WWOX: variants seen among roughly 807,000 people sequenced by gnomAD.
The protein encoded by WWOX is WW domain-containing oxidoreductase.
WWOX carries 69 observed loss-of-function variants against 46.2 expected under a neutral mutation model. The observed-to-expected ratio is 1.49, with a 90% CI of 1.23 to 1.82. The LOEUF (loss-of-function observed/expected upper bound fraction) is 1.82. Among genes scored for constraint, WWOX ranks in the 40% most tolerant of loss-of-function variants. The pLI, the probability that WWOX is intolerant of heterozygous loss-of-function variation, is 0.00. For synonymous variants in WWOX, 359 were observed against 202.6 expected (o/e 1.77, Z -6.56); for missense variants, 919 against 542.6 (o/e 1.69, Z -6.89).
chr16:78,922,217 A>G (rs2045395429), intron 8 of WWOX, among the ~76,000 whole-genome samples: 1 of 152,022 alleles, frequency 6.6e-6, no homozygotes, highest in African/African-American at 2.4e-5. Context: ...ACCCTAAGCA[A>G]TATTGTTGGT....
chr16:79,125,891 C>T (rs927158105), intron 8 of WWOX, among the ~76,000 whole-genome samples: 2 of 152,144 alleles, frequency 1.3e-5, no homozygotes, highest in Non-Finnish European at 2.9e-5. Flanking sequence ...TCGTCGAAGG[C>T]GTGGTTTCTT....
chr16:78,929,886 CCTT>C (rs1208412162), intron 8 of WWOX, among the ~76,000 whole-genome samples: 15 of 152,120 alleles, frequency 9.9e-5, no homozygotes, highest in African/African-American at 3.6e-4. Flanking sequence ...TCTAGCCCAT[CCTT>C]CTTTCTTAGA....
chr16:78,335,933 A>T (rs2080879339), intron 5 of WWOX, among the ~76,000 whole-genome samples: 1 of 152,090 alleles, frequency 6.6e-6, no homozygotes, highest in Admixed American at 6.5e-5. Flanking sequence ...CTCTACTAAA[A>T]ATATAAAAAT....
chr16:78,720,474 C>CTT (rs61447720), intron 8 of WWOX, among the ~76,000 whole-genome samples: 27,615 of 147,834 alleles, frequency 0.19, 2,925 homozygotes, highest in East Asian at 0.24. Flanking sequence ...TTTTTTTCTT[C>CTT]TTTTTTTTTT....
chr16:79,192,925 T>C (rs1173933244), intron 8 of WWOX, among the ~76,000 whole-genome samples: 26 of 152,172 alleles, frequency 1.7e-4, no homozygotes, highest in Admixed American at 1.7e-3. Context: ...GGTACAGTGG[T>C]TGAAGAAAAG....
chr16:78,485,737 G>C (rs906413547), intron 8 of WWOX, among the ~76,000 whole-genome samples: 15 of 152,204 alleles, frequency 9.9e-5, no homozygotes, highest in Middle Eastern at 3.2e-3. Flanking sequence ...TGAAAGAACA[G>C]ATTGCCGCGG....
intron 8 of WWOX, among the ~76,000 whole-genome samples, chr16:78,702,100 T>TTTTA (rs1491267639): frequency 4.9e-5 from 4 of 81,228 alleles, no homozygotes; most frequent in African/African-American, 1.4e-4. Context: ...ATCTATAAAG[T>TTTTA]TATATATATA....
intron 8 of WWOX, among the ~76,000 whole-genome samples, chr16:78,815,529 C>G (rs1293074644): frequency 1.3e-5 from 2 of 152,110 alleles, no homozygotes; most frequent in Admixed American, 6.5e-5. Flanking sequence ...GGACCCTGAC[C>G]AAGAATTTGA....
At chr16:78,915,128 C>T (rs1045986208) in intron 8 of WWOX, among the ~76,000 whole-genome samples, 1 of 152,140 alleles carries the variant, frequency 6.6e-6, no homozygotes, top group African/African-American at 2.4e-5. Context: ...GCTTGGACTC[C>T]TGCTGCAATT....
At chr16:78,783,210 C>T (rs1386323683) in intron 8 of WWOX, among the ~76,000 whole-genome samples, 1 of 152,312 alleles carries the variant, frequency 6.6e-6, no homozygotes, top group East Asian at 1.9e-4. Flanking sequence ...ATACATGCAC[C>T]AGACTTGACT....
In WWOX at chr16:78,386,050, C is replaced by G. The variant is rs1439693456; in HGVS notation, c.517-810C>G. On this transcript the variant is annotated intron_variant, in intron 5 of 8. Coordinates refer to ENST00000566780, the MANE Select transcript of WWOX (RefSeq NM_016373.4). ...TCAAATCCCGACCTCTCCAGTTCTC[C>G]TGGTTTCTTGCTAGGCGGGAACTTG... Among the ~76,000 whole-genome samples the G allele has an allele frequency of 1.3e-5, 2 of 152,210 alleles. 1 individual carries two copies. The highest frequency in any genetic ancestry group is 4.8e-5 in the African/African-American group (2 of 41,452).
intron 8 of WWOX, among the ~76,000 whole-genome samples, chr16:79,007,714 A>G (rs1251884829): frequency 1.3e-5 from 2 of 152,224 alleles, no homozygotes; most frequent in Non-Finnish European, 2.9e-5. Flanking sequence ...CTCACCCGGT[A>G]TCATATAGCT....
intron 8 of WWOX, among the ~76,000 whole-genome samples, chr16:78,505,682 C>T (rs1056743269): frequency 2.6e-5 from 4 of 151,646 alleles, no homozygotes; most frequent in African/African-American, 7.3e-5. Context: ...CCCTCATTCC[C>T]AGTCCTGGCC....
chr16:79,128,702 T>G (rs1010382244), intron 8 of WWOX, among the ~76,000 whole-genome samples: 5 of 152,286 alleles, frequency 3.3e-5, no homozygotes, highest in East Asian at 3.9e-4. Flanking sequence ...ATTTCTAAAG[T>G]GTTGGGGTGA....
chr16:78,697,044 T>C (rs574893259), intron 8 of WWOX, among the ~76,000 whole-genome samples: 1 of 152,346 alleles, frequency 6.6e-6, no homozygotes, highest in Admixed American at 6.5e-5. Context: ...TATACCGTAG[T>C]TTCTTTATCC....
At chr16:78,895,477 C>G (rs966538042) in intron 8 of WWOX, 1 of 152,206 alleles carries the variant, frequency 6.6e-6, no homozygotes, top group African/African-American at 2.4e-5. Flanking sequence ...AGCTTCCATC[C>G]CGTAGCTTCT....
chr16:78,575,101 A>G (rs1285939249), intron 8 of WWOX, among the ~76,000 whole-genome samples: 2 of 68,162 alleles, frequency 2.9e-5, no homozygotes, highest in African/African-American at 9.9e-5. Flanking sequence ...ATATATTTAA[A>G]GCTGTCATGG....
chr16:78,264,023 T>TTTTTTTTTTTTTTG (rs1163360610), intron 5 of WWOX, among the ~76,000 whole-genome samples: 1 of 148,338 alleles, frequency 6.7e-6, no homozygotes, highest in Non-Finnish European at 1.5e-5. Context: ...TTTGTTTTTT[T>TTTTTTTTTTTTTTG]GCTGTGGAGC....
At chr16:78,696,047 T>G (rs2048091983) in intron 8 of WWOX, among the ~76,000 whole-genome samples, 1 of 152,154 alleles carries the variant, frequency 6.6e-6, no homozygotes, top group African/African-American at 2.4e-5. Flanking sequence ...GCAGTCTGTG[T>G]TAAGCTTTCT....
Sources: allele counts gnomAD v4.1 joint callset (sites outside exome capture counted in the v4.1 genomes callset), GRCh38; gene constraint gnomAD v4.1.1; transcripts MANE v1.5; gene names NCBI Gene and HGNC (gene_info 2026-07-23, HGNC 2026-07-21).